LRMDA: variants seen among roughly 807,000 people sequenced by gnomAD.
The protein encoded by LRMDA is leucine rich melanocyte differentiation associated, also known as leucine-rich melanocyte differentiation-associated protein.
LRMDA carries 18 observed loss-of-function variants against 29.8 expected under a neutral mutation model. That is an observed-to-expected ratio of 0.60 (90% CI 0.42 to 0.90). The LOEUF is 0.90. Among genes scored for constraint, LRMDA ranks in the 40% least tolerant of loss-of-function variants. The probability of loss-of-function intolerance (pLI) is 0.00; values close to 1 mark genes in which losing one functional copy is unlikely to be tolerated. For synonymous variants in LRMDA, 125 were observed against 109.4 expected (o/e 1.14, Z -0.89); for missense variants, 273 against 273.9 (o/e 1.00, Z 0.02).
intron 2 of LRMDA, among the ~76,000 whole-genome samples, chr10:75,454,889 G>A (rs1844498478): frequency 6.6e-6 from 1 of 152,218 alleles, no homozygotes; most frequent in African/African-American, 2.4e-5. Context: ...CAAGTGCTCT[G>A]CCTCTGAGGA....
At chr10:75,941,734 A>G (rs1384414175) in intron 2 of LRMDA, among the ~76,000 whole-genome samples, 1 of 152,138 alleles carries the variant, frequency 6.6e-6, no homozygotes, top group Non-Finnish European at 1.5e-5. Context: ...GCAGACCACA[A>G]ACCACTTGTA....
At chr10:75,956,823 C>T (rs59279969) in intron 2 of LRMDA, among the ~76,000 whole-genome samples, 6,440 of 152,276 alleles carry the variant, frequency 0.042, 453 homozygotes, top group African/African-American at 0.14. Flanking sequence ...CACTGATATT[C>T]CATTAGCTTG....
At chr10:75,822,498 A>G (rs1844179830) in intron 2 of LRMDA, among the ~76,000 whole-genome samples, 1 of 152,200 alleles carries the variant, frequency 6.6e-6, no homozygotes, top group Non-Finnish European at 1.5e-5. Flanking sequence ...AAGCCTGAAT[A>G]GCCAAAGCAA....
chr10:75,902,037 C>G (rs1845682719), intron 2 of LRMDA, among the ~76,000 whole-genome samples: 1 of 152,070 alleles, frequency 6.6e-6, no homozygotes, highest in African/African-American at 2.4e-5. Flanking sequence ...GTATGAGAGT[C>G]CAGATGAGGC....
At chr10:76,248,342 A>G (rs967679832) in intron 5 of LRMDA, among the ~76,000 whole-genome samples, 1 of 152,112 alleles carries the variant, frequency 6.6e-6, no homozygotes, top group African/African-American at 2.4e-5. Context: ...GCAATTGTTG[A>G]CTTCATGTCA....
intron 5 of LRMDA, among the ~76,000 whole-genome samples, chr10:76,125,996 C>G (rs1027885437): frequency 1.9e-4 from 29 of 152,152 alleles, no homozygotes; most frequent in African/African-American, 6.0e-4. Context: ...CCTCCTTTTC[C>G]CCTTTGTTCT....
intron 6 of LRMDA, among the ~76,000 whole-genome samples, chr10:76,334,034 T>C (rs941322924): frequency 2.0e-5 from 3 of 152,200 alleles, no homozygotes; most frequent in Non-Finnish European, 4.4e-5. Context: ...GTGGAGTTAA[T>C]GTAGTGGAGC....
At chr10:76,221,805 C>A (rs1419613028) in intron 5 of LRMDA, among the ~76,000 whole-genome samples, 1 of 151,412 alleles carries the variant, frequency 6.6e-6, no homozygotes, top group South Asian at 2.1e-4. Flanking sequence ...GAGCCCACAT[C>A]GCCAAGTCAA....
intron 6 of LRMDA, among the ~76,000 whole-genome samples, chr10:76,352,861 G>A (rs1339836301): frequency 6.6e-6 from 1 of 152,038 alleles, no homozygotes; most frequent in Non-Finnish European, 1.5e-5. Flanking sequence ...AGGTCAGATG[G>A]GAGGATGTTC....
intron 2 of LRMDA, among the ~76,000 whole-genome samples, chr10:75,900,869 C>G (rs940417707): frequency 6.6e-6 from 1 of 152,122 alleles, no homozygotes; most frequent in African/African-American, 2.4e-5. Context: ...CTGCATAGGA[C>G]CTTGAGTATA....
chr10:76,341,094 TA>T (rs1292530425), intron 6 of LRMDA, among the ~76,000 whole-genome samples: 1 of 152,078 alleles, frequency 6.6e-6, no homozygotes, highest in East Asian at 1.9e-4. Flanking sequence ...TCAGGAAAGT[TA>T]AAATAAAAGG....
intron 5 of LRMDA, among the ~76,000 whole-genome samples, chr10:76,129,330 A>G (rs1849943588): frequency 6.6e-6 from 1 of 152,118 alleles, no homozygotes; most frequent in South Asian, 2.1e-4. Flanking sequence ...TTTCAGGCCC[A>G]CCTTCAGCCA....
At chr10:75,804,191 A>C (rs2132264495) in intron 2 of LRMDA, among the ~76,000 whole-genome samples, 1 of 152,274 alleles carries the variant, frequency 6.6e-6, no homozygotes, top group South Asian at 2.1e-4. Context: ...TAGCTGAAAA[A>C]CACCATTGAT....
At chr10:76,351,853 C>T (rs552274312) in intron 6 of LRMDA, among the ~76,000 whole-genome samples, 28 of 152,160 alleles carry the variant, frequency 1.8e-4, no homozygotes, top group East Asian at 1.5e-3. Flanking sequence ...TAGGAGCAGG[C>T]GCTATGTAAG....
intron 2 of LRMDA, among the ~76,000 whole-genome samples, chr10:75,730,411 C>T (rs555988123): frequency 2.3e-4 from 35 of 152,282 alleles, no homozygotes; most frequent in African/African-American, 7.9e-4. Context: ...TCCCGACCCC[C>T]GATGGTGCAC....
intron 2 of LRMDA, among the ~76,000 whole-genome samples, chr10:75,541,529 T>C (rs1840015013): frequency 6.6e-6 from 1 of 152,058 alleles, no homozygotes; most frequent in African/African-American, 2.4e-5. Context: ...TGAAATTTAT[T>C]TTTTAATCTG....
intron 2 of LRMDA, among the ~76,000 whole-genome samples, chr10:75,756,891 G>T (rs1843038884): frequency 6.6e-6 from 1 of 152,156 alleles, no homozygotes; most frequent in South Asian, 2.1e-4. Flanking sequence ...GATGACTCTG[G>T]AATCACTTTC....
At chr10:75,619,489 A>G (rs971866202) in intron 2 of LRMDA, among the ~76,000 whole-genome samples, 12 of 152,304 alleles carry the variant, frequency 7.9e-5, no homozygotes, top group African/African-American at 2.4e-4. Flanking sequence ...GTTCATTGCT[A>G]TGTTAGAGGA....
intron 2 of LRMDA, among the ~76,000 whole-genome samples, chr10:75,720,257 T>C (rs1383225339): frequency 1.3e-5 from 2 of 152,006 alleles, no homozygotes; most frequent in African/African-American, 2.4e-5. Flanking sequence ...GCAAATAAGA[T>C]GGGGTGAAAA....
Sources: allele counts gnomAD v4.1 joint callset (sites outside exome capture counted in the v4.1 genomes callset), GRCh38; gene constraint gnomAD v4.1.1; transcripts MANE v1.5; gene names NCBI Gene and HGNC (gene_info 2026-07-23, HGNC 2026-07-21).